The following GRIA4 variants were observed in gnomAD, a reference collection of about 807,000 sequenced individuals.
GRIA4 encodes the protein glutamate receptor 4.
In GRIA4, 34 loss-of-function variants were observed where a neutral mutation model predicts 104.0. The ratio of observed to expected loss-of-function variants is 0.33; its 90% CI spans 0.25 to 0.44. The LOEUF (loss-of-function observed/expected upper bound fraction) is 0.44, where lower values mean the gene tolerates loss of function less well. GRIA4 is among the 20% of genes least tolerant of loss of function. GRIA4 has a pLI of 1.00. For missense variants in GRIA4, 750 were observed against 1,096.5 expected, an observed-to-expected ratio of 0.68 and a Z score of 4.46; for synonymous variants, 386 against 381.9, an observed-to-expected ratio of 1.01 and a Z score of -0.13.
At chr11:105,889,650 A>G (rs1424581836) in intron 6 of GRIA4, among the ~76,000 whole-genome samples, 1 of 152,182 alleles carries the variant, frequency 6.6e-6, no homozygotes, top group African/African-American at 2.4e-5. Flanking sequence ...CAGGAACAAG[A>G]TAAGAGTGTC....
At chr11:105,852,253 A>T (rs1944838480) in intron 4 of GRIA4, among the ~76,000 whole-genome samples, 1 of 152,184 alleles carries the variant, frequency 6.6e-6, no homozygotes, top group Non-Finnish European at 1.5e-5. Context: ...GTTATACATT[A>T]TGACTTTCCC....
intron 4 of GRIA4, among the ~76,000 whole-genome samples, chr11:105,783,044 G>A (rs966102385): frequency 6.6e-6 from 1 of 152,162 alleles, no homozygotes; most frequent in African/African-American, 2.4e-5. Flanking sequence ...TAAGGGCTAT[G>A]CCCCCTTTAC....
intron 2 of GRIA4, among the ~76,000 whole-genome samples, chr11:105,611,349 GA>G (rs1346691838): frequency 1.3e-5 from 2 of 151,960 alleles, no homozygotes; most frequent in African/African-American, 4.8e-5. Flanking sequence ...AAGTAGGATT[GA>G]AATAAGTTGG....
chr11:105,816,947 G>T (rs1392346402), intron 4 of GRIA4, among the ~76,000 whole-genome samples: 1 of 152,098 alleles, frequency 6.6e-6, no homozygotes, highest in Non-Finnish European at 1.5e-5. Context: ...TTGAGCCCAG[G>T]ATTTCAAGCC....
At chr11:105,756,573 A>G (rs1940322377) in intron 4 of GRIA4, among the ~76,000 whole-genome samples, 1 of 152,054 alleles carries the variant, frequency 6.6e-6, no homozygotes, top group African/African-American at 2.4e-5. Context: ...TATCCCAAGA[A>G]GAGATTTATC....
intron 4 of GRIA4, among the ~76,000 whole-genome samples, chr11:105,833,780 T>A (rs945697973): frequency 6.6e-6 from 1 of 152,004 alleles, no homozygotes; most frequent in East Asian, 1.9e-4. Flanking sequence ...AAGTGTGAAA[T>A]AGAGAGCCCT....
intron 5 of GRIA4, among the ~76,000 whole-genome samples, chr11:105,863,511 A>C (rs921640520): frequency 6.6e-5 from 10 of 152,130 alleles, no homozygotes; most frequent in Non-Finnish European, 1.3e-4. Context: ...AGTTGTAGCT[A>C]TTCAATGTAT....
At chr11:105,880,418 C>T (rs1472643620) in intron 5 of GRIA4, among the ~76,000 whole-genome samples, 2 of 152,140 alleles carry the variant, frequency 1.3e-5, no homozygotes, top group Non-Finnish European at 2.9e-5. Context: ...GGAACGAACA[C>T]AGGACAAGGA....
intron 3 of GRIA4, among the ~76,000 whole-genome samples, chr11:105,656,995 T>C (rs574737300): frequency 6.6e-6 from 1 of 151,956 alleles, no homozygotes; most frequent in African/African-American, 2.4e-5. Flanking sequence ...GAGTATAAAC[T>C]ACCATATGAC....
intron 4 of GRIA4, among the ~76,000 whole-genome samples, chr11:105,785,577 A>G (rs1941924585): frequency 6.6e-6 from 1 of 152,196 alleles, no homozygotes; most frequent in Non-Finnish European, 1.5e-5. Context: ...TTAAACTTTT[A>G]GTGTTTTCCA....
chr11:105,882,184 T>C (rs1946090659), intron 5 of GRIA4, among the ~76,000 whole-genome samples: 1 of 152,176 alleles, frequency 6.6e-6, no homozygotes, highest in Non-Finnish European at 1.5e-5. Flanking sequence ...CCTCTGAATA[T>C]GTTGTGCCAT....
At chr11:105,974,689 T>G in intron 16 of GRIA4, 1 of 883,874 alleles carries the variant, frequency 1.1e-6, no homozygotes, top group Non-Finnish European at 1.7e-6. Context: ...CAGTGCAAAT[T>G]GGTTCGGTTT....
At chr11:105,721,557 A>G (rs760682666) in intron 3 of GRIA4, among the ~76,000 whole-genome samples, 2 of 152,200 alleles carry the variant, frequency 1.3e-5, no homozygotes, top group African/African-American at 2.4e-5. Flanking sequence ...CATTGATTTT[A>G]CATATATTAA....
chr11:105,919,464 T>C (rs1947499464), intron 11 of GRIA4, among the ~76,000 whole-genome samples: 1 of 152,168 alleles, frequency 6.6e-6, no homozygotes, highest in Non-Finnish European at 1.5e-5. Flanking sequence ...AAATTTAAAC[T>C]TTATGCAGTG....
At chr11:105,875,619 A>C (rs188442637) in intron 5 of GRIA4, among the ~76,000 whole-genome samples, 2 of 152,164 alleles carry the variant, frequency 1.3e-5, no homozygotes, top group African/African-American at 4.8e-5. Flanking sequence ...CAAGGATTCT[A>C]CTTCTTCCTG....
At chr11:105,969,402 A>G (rs1460251334) in intron 14 of GRIA4, among the ~76,000 whole-genome samples, 2 of 152,180 alleles carry the variant, frequency 1.3e-5, no homozygotes, top group South Asian at 2.1e-4. Flanking sequence ...AACATTAATT[A>G]TGGTTAATAC....
At chr11:105,886,171 T>C (rs911817047) in intron 5 of GRIA4, among the ~76,000 whole-genome samples, 1 of 152,138 alleles carries the variant, frequency 6.6e-6, no homozygotes, top group African/African-American at 2.4e-5. Flanking sequence ...ACAATTCATA[T>C]GTTCTGATCT....
intron 4 of GRIA4, chr11:105,797,647 C>T (rs1194852332): frequency 3.3e-6 from 1 of 298,582 alleles, no homozygotes; most frequent in Non-Finnish European, 6.8e-6. Flanking sequence ...CTAAATGTCA[C>T]CTTAAATCAA....
chr11:105,758,056 C>T (rs1032144470), intron 4 of GRIA4, among the ~76,000 whole-genome samples: 1 of 152,048 alleles, frequency 6.6e-6, no homozygotes, highest in African/African-American at 2.4e-5. Context: ...CTAACCTGGA[C>T]ATCATAGCAA....
Sources: gnomAD v4.1 joint callset for allele counts (sites outside exome capture counted in the v4.1 genomes callset) on GRCh38, gnomAD v4.1.1 for gene constraint, MANE v1.5 for transcripts, NCBI Gene and HGNC (gene_info 2026-07-23, HGNC 2026-07-21) for gene names.